DENND4A: variants seen among roughly 807,000 people sequenced by gnomAD.
DENND4A encodes C-myc promoter-binding protein.
In DENND4A, 70 loss-of-function variants were observed where a neutral mutation model predicts 199.3. The observed-to-expected ratio is 0.35, with a 90% CI of 0.29 to 0.43. The LOEUF (loss-of-function observed/expected upper bound fraction) is 0.43, where lower values mean the gene tolerates loss of function less well. DENND4A is among the 20% of genes least tolerant of loss of function. The pLI, the probability that DENND4A is intolerant of heterozygous loss-of-function variation, is 1.00. For missense variants in DENND4A, 1,723 were observed against 2,255.8 expected (o/e 0.76, Z 4.78); for synonymous variants, 686 against 766.9 (o/e 0.89, Z 1.74).
At chr15:65,776,521 T>A (rs2077287831) in intron 1 of DENND4A, among the ~76,000 whole-genome samples, 6 of 152,212 alleles carry the variant, frequency 3.9e-5, no homozygotes, top group Admixed American at 3.3e-4. Flanking sequence ...AATCATTAAG[T>A]ATCCCTTTGT....
Position 65,670,053 on chromosome 15 carries a change from A to C in DENND4A, c.4600T>G (p.Phe1534Val). The stretch of plus-strand genomic sequence containing the variant: ...AAATCTCTTATTTCTATATTCAGAA[A>C]GGGTAAGAAGATATTGCCACAGAAT... ...CPFCGNIFLP[F>V]LNIEIRDLRR... is the part of the protein sequence containing the mutation. The change falls in exon 26 of 33, where the codon TTT becomes GTT. Residue 1534 changes from phenylalanine to valine, a missense_variant. By Grantham distance (50) the Phe-to-Val change is conservative. Around this residue, in one of 6 missense-constraint regions of DENND4A, gnomAD observed 141 missense variants for 170.7 expected, o/e 0.83. Coordinates refer to ENST00000443035, the MANE Select transcript of DENND4A (RefSeq NM_001320835.1). The C allele has an allele frequency of 6.3e-7, 1 of 1,596,162 alleles. No individual in the cohort carries two copies. The highest frequency in any genetic ancestry group is 8.5e-7 in the Non-Finnish European group (1 of 1,170,822).
intron 30 of DENND4A, 122 bp downstream of exon 30, chr15:65,665,223 G>T: frequency 1.5e-6 from 1 of 688,860 alleles, no homozygotes; most frequent in Non-Finnish European, 2.4e-6. Context: ...GTACGACTTT[G>T]ACCTGTAAGA....
At chr15:65,680,879 C>T (rs1037646500) in intron 23 of DENND4A, 1 of 152,150 alleles carries the variant, frequency 6.6e-6, no homozygotes, top group African/African-American at 2.4e-5. Flanking sequence ...CTAAAAATTG[C>T]TAACAATTAT....
intron 23 of DENND4A, among the ~76,000 whole-genome samples, chr15:65,687,435 T>G (rs1399725026): frequency 6.6e-6 from 1 of 152,142 alleles, no homozygotes; most frequent in African/African-American, 2.4e-5. Context: ...AAGTAATCTT[T>G]TCTAATAACC....
At chr15:65,709,710 A>AT (rs2075175454) in intron 14 of DENND4A, among the ~76,000 whole-genome samples, 2 of 128,376 alleles carry the variant, frequency 1.6e-5, no homozygotes, top group African/African-American at 2.9e-5. Flanking sequence ...AAAAAAAAAA[A>AT]AAAAAAAAAA....
At chr15:65,702,535 C>T (rs1325951195) in intron 16 of DENND4A, 24 bp from the exon 17 acceptor site, 1 of 1,539,062 alleles carries the variant, frequency 6.5e-7, no homozygotes, top group Non-Finnish European at 8.8e-7. Flanking sequence ...AAAGATCTTA[C>T]TAATAAATTT....
rs183146773 is a variant in DENND4A, at chr15:65,709,008, A to C, written c.1954-2784T>G. ...GGATATGCTAAGATCAAAAGAGTTA[A>C]TATACCATGTGAGAATAAGTGAATA... On this transcript the variant is annotated intron_variant, in intron 14 of 32. Transcript: ENST00000443035. 8.7e-4 allele frequency among the ~76,000 whole-genome samples: 133 copies of C among 152,388 alleles called. 1 individual carries two copies. Among genetic ancestry groups the C allele is most frequent in the Non-Finnish European group, 1.5e-3 (102 of 68,040 alleles).
chr15:65,772,201 T>C, intron 1 of DENND4A: 1 of 636,424 alleles, frequency 1.6e-6, no homozygotes, highest in Non-Finnish European at 2.8e-6. Context: ...ACTTCAATGT[T>C]TGGTGACTTA....
At chr15:65,778,250 T>C (rs2077334502) in intron 1 of DENND4A, among the ~76,000 whole-genome samples, 1 of 152,108 alleles carries the variant, frequency 6.6e-6, no homozygotes, top group Non-Finnish European at 1.5e-5. Flanking sequence ...CAAATTATTT[T>C]TTAAAGAAAA....
At chr15:65,788,492 C>A (rs1034425772) in intron 1 of DENND4A, among the ~76,000 whole-genome samples, 8 of 152,232 alleles carry the variant, frequency 5.3e-5, no homozygotes, top group African/African-American at 1.9e-4. Context: ...AGATAGTTTT[C>A]CTACTGTAGC....
In DENND4A at chr15:65,660,438, G is replaced by T; in HGVS notation, c.*1413C>A. 4.4e-6 allele frequency: 3 copies of T among 676,898 alleles called. No homozygotes were observed. Among genetic ancestry groups the T allele is most frequent in the Non-Finnish European group, 7.3e-6 (3 of 412,514 alleles). 41.9% of individuals were successfully genotyped at this position (676,898 alleles called of 1,614,324 possible). A position where few individuals can be genotyped will look rare whatever the true frequency, so the allele number is the denominator to read the frequency against. On this transcript the variant is annotated 3_prime_UTR_variant, in exon 33 of 33. Transcript: ENST00000443035. ...TACTGGCTTTATACACCTAATTTGGGACTATCCATTTTTTCCTTCTTTAAA... is the reference window on the plus strand; with the variant it reads ...TACTGGCTTTATACACCTAATTTGGTACTATCCATTTTTTCCTTCTTTAAA...
chr15:65,727,350 G>T (rs1327266148), intron 11 of DENND4A, among the ~76,000 whole-genome samples: 1 of 151,718 alleles, frequency 6.6e-6, no homozygotes, highest in Non-Finnish European at 1.5e-5. Context: ...CTACTTGGGA[G>T]GCTGAGGCAG....
intron 13 of DENND4A, among the ~76,000 whole-genome samples, chr15:65,717,247 C>T (rs2140272676): frequency 6.6e-6 from 1 of 152,126 alleles, no homozygotes; most frequent in South Asian, 2.1e-4. Flanking sequence ...ATGGATTTCT[C>T]TTTCAAATGT....
chr15:65,782,774 T>C (rs1305901333), intron 1 of DENND4A, among the ~76,000 whole-genome samples: 1 of 152,240 alleles, frequency 6.6e-6, no homozygotes, highest in Non-Finnish European at 1.5e-5. Flanking sequence ...TTTTAAGCTT[T>C]CAAATATTAT....
chr15:65,768,701 T>G (rs2077046284), intron 1 of DENND4A, among the ~76,000 whole-genome samples: 1 of 152,004 alleles, frequency 6.6e-6, no homozygotes, highest in Non-Finnish European at 1.5e-5. Flanking sequence ...TACACAATTT[T>G]GCCAGGCGCG....
chr15:65,684,247 C>T lies in DENND4A; in HGVS notation c.4179+6168G>A, dbSNP rs550665762. 3.3e-5 allele frequency among the ~76,000 whole-genome samples: 5 copies of T among 152,244 alleles called. No individual in the cohort carries two copies. The South Asian group carries it at 1.0e-3, about 32-fold the overall frequency. On this transcript the variant is annotated intron_variant, in intron 23 of 32. Coordinates refer to ENST00000443035, the MANE Select transcript of DENND4A (RefSeq NM_001320835.1). ...GGGTAGATTATTTAGAGTGGAACTG[C>T]TGGGTCATATGTTAAATTAATGCTT...
rs113290477 is a variant in DENND4A, at chr15:65,764,452, G to A, written c.-101-3014C>T. ...TTGAGACCAGCCTAGCCAACAGGGCGAAACCCCATCTCTACTAAAAATACA... is the reference window on the plus strand; with the variant it reads ...TTGAGACCAGCCTAGCCAACAGGGCAAAACCCCATCTCTACTAAAAATACA... On this transcript the variant is annotated intron_variant, in intron 1 of 32. Coordinates refer to ENST00000443035, the MANE Select transcript of DENND4A (RefSeq NM_001320835.1). Among the ~76,000 whole-genome samples the A allele has an allele frequency of 6.5e-3, 987 of 152,068 alleles. 10 individuals are homozygous for A. The highest frequency in any genetic ancestry group is 0.023 in the African/African-American group (947 of 41,448).
chr15:65,785,655 T>C (rs2077548725), intron 1 of DENND4A, among the ~76,000 whole-genome samples: 1 of 152,104 alleles, frequency 6.6e-6, no homozygotes, highest in Admixed American at 6.5e-5. Flanking sequence ...TTGCTTCAGA[T>C]ATATATTTAA....
At chr15:65,734,855 G>A (rs1263202408) in intron 7 of DENND4A, among the ~76,000 whole-genome samples, 2 of 152,208 alleles carry the variant, frequency 1.3e-5, no homozygotes, top group Admixed American at 6.5e-5. Flanking sequence ...GCTGAGGCGA[G>A]TGAATTGATT....
Sources: allele counts gnomAD v4.1 joint callset (sites outside exome capture counted in the v4.1 genomes callset), GRCh38; gene constraint gnomAD v4.1.1; regional missense constraint gnomAD v4.1.1; transcripts MANE v1.5; gene names NCBI Gene and HGNC (gene_info 2026-07-23, HGNC 2026-07-21).